The following LARP4 variants were observed in gnomAD, a reference collection of about 807,000 sequenced individuals.
LARP4 encodes the protein La ribonucleoprotein 4.
A neutral mutation model predicts 92.9 loss-of-function variants in LARP4; 29 were observed. The observed-to-expected ratio is 0.31, with a 90% CI of 0.23 to 0.43. The LOEUF is 0.43. Ranked by LOEUF, LARP4 falls within the 20% of genes least tolerant of loss-of-function variation. The pLI is 1.00. For synonymous variants in LARP4, 279 were observed against 284.1 expected (o/e 0.98, Z 0.18); for missense variants, 732 against 860.0 (o/e 0.85, Z 1.86).
Position 50,454,400 on chromosome 12 carries a change from A to G in LARP4, c.1104A>G (p.Arg368=). The G allele has an allele frequency of 1.2e-6, 2 of 1,612,058 alleles. No individual in the cohort carries two copies. The highest frequency in any genetic ancestry group is 1.7e-6 in the Non-Finnish European group (2 of 1,179,194). Residue 368 remains arginine (R), a synonymous_variant, in exon 10 of 16, where the codon CGA becomes CGG. Transcript: ENST00000398473. ...ATGCTGCTGCTATGAATATGGGTCG[A>G]CCATTCCAAAAAAATCGGTAAGATA... is the stretch of plus-strand genomic sequence containing the variant. The part of the protein sequence containing the change: ...KTNAAAMNMG[R]PFQKNRVKPQ...
At chr12:50,467,520 C>G (rs2063067692) in intron 13 of LARP4, among the ~76,000 whole-genome samples, 1 of 152,078 alleles carries the variant, frequency 6.6e-6, no homozygotes, top group South Asian at 2.1e-4. Flanking sequence ...CCAGGCTGGT[C>G]TCCAGCTCCT....
intron 5 of LARP4, among the ~76,000 whole-genome samples, chr12:50,436,174 GTATATATA>G (rs10599634): frequency 2.2e-5 from 3 of 136,608 alleles, no homozygotes; most frequent in Non-Finnish European, 3.1e-5. Flanking sequence ...GTGTGTGTAT[GTATATATA>G]TATATATATA....
At chr12:50,435,322 A>T (rs1459727054) in intron 4 of LARP4, among the ~76,000 whole-genome samples, 166 bp from the exon 5 acceptor site, 1 of 152,250 alleles carries the variant, frequency 6.6e-6, no homozygotes, top group African/African-American at 2.4e-5. Context: ...TATCTTTTGA[A>T]TTGAACTTTT....
intron 4 of LARP4, among the ~76,000 whole-genome samples, chr12:50,431,609 G>C (rs1301794080): frequency 1.3e-5 from 2 of 152,170 alleles, no homozygotes; most frequent in Non-Finnish European, 2.9e-5. Flanking sequence ...CACTTTGGGA[G>C]GGCAAGGTGG....
intron 1 of LARP4, among the ~76,000 whole-genome samples, chr12:50,421,548 A>G (rs1947793672): frequency 6.6e-6 from 1 of 151,956 alleles, no homozygotes; most frequent in African/African-American, 2.4e-5. Context: ...AGGCTGAGGC[A>G]GGAGGAGAAT....
At position 50,410,351 on chromosome 12, in the gene LARP4, G is replaced by A. The variant is rs188701976; in HGVS notation, c.18+9323G>A. Reference sequence around the variant, plus strand: ...GCCTCCCAAAGTGCTGCGATTACAGGTGTGAGGAGCCACAACACCCAGTCT... The same window carrying A: ...GCCTCCCAAAGTGCTGCGATTACAGATGTGAGGAGCCACAACACCCAGTCT... On this transcript the variant is annotated intron_variant, in intron 1 of 15. Coordinates refer to ENST00000398473, the MANE Select transcript of LARP4 (RefSeq NM_052879.5). Among the ~76,000 whole-genome samples the A allele has an allele frequency of 3.6e-3, 550 of 151,642 alleles. 4 individuals carry two copies. The highest frequency in any genetic ancestry group is 6.0e-3 in the Non-Finnish European group (410 of 67,954).
intron 1 of LARP4, chr12:50,420,947 C>CTTTTTTTTTTTTTTTTTTT (rs71083567): frequency 3.6e-5 from 4 of 111,436 alleles, no homozygotes; most frequent in African/African-American, 1.4e-4. Context: ...ATAACCTTTG[C>CTTTTTTTTTTTTTTTTTTT]TTTTTTTTTT....
chr12:50,432,005 G>A (rs554218363), intron 4 of LARP4, among the ~76,000 whole-genome samples: 1 of 152,246 alleles, frequency 6.6e-6, no homozygotes, highest in South Asian at 2.1e-4. Flanking sequence ...GGGTGTGGTA[G>A]CGTGGCCCTG....
At chr12:50,463,648 C>T (rs1232654273) in intron 12 of LARP4, among the ~76,000 whole-genome samples, 2 of 152,086 alleles carry the variant, frequency 1.3e-5, no homozygotes, top group African/African-American at 2.4e-5. Flanking sequence ...TACACTGATG[C>T]AAGGGTTGGG....
chr12:50,475,523 A>G lies in LARP4; in HGVS notation c.1837-3A>G. On this transcript the variant is annotated splice_polypyrimidine_tract_variant and splice_region_variant and intron_variant, in intron 15 of 15. Transcript: ENST00000398473. ...AATGTTTTTTTTTATCATCACTTCA[A>G]AGGAACCCCGAAAGTTAAGTTATGC... is the stretch of plus-strand genomic sequence containing the variant. The G allele has an allele frequency of 6.3e-7, 1 of 1,595,552 alleles. No homozygotes were observed. Among genetic ancestry groups the G allele is most frequent in the Non-Finnish European group, 8.5e-7 (1 of 1,172,538 alleles).
At chr12:50,446,356 T>C (rs867329424) in intron 8 of LARP4, among the ~76,000 whole-genome samples, 1 of 394 alleles carries the variant, frequency 2.5e-3, no homozygotes, top group Non-Finnish European at 5.2e-3. Context: ...TCTCTCTCTC[T>C]CTCTCTCTCT....
intron 1 of LARP4, among the ~76,000 whole-genome samples, chr12:50,409,130 A>C (rs1001082431): frequency 6.6e-6 from 1 of 152,170 alleles, no homozygotes; most frequent in African/African-American, 2.4e-5. Flanking sequence ...AGTAAAATTA[A>C]GATACATTTA....
At chr12:50,461,512 T>C (rs1209083207) in intron 11 of LARP4, 165 bp downstream of exon 11, 1 of 731,542 alleles carries the variant, frequency 1.4e-6, no homozygotes, top group East Asian at 2.9e-5. Flanking sequence ...TTTTTATAAT[T>C]ATTAAGAAAT....
At chr12:50,460,354 G>T (rs1271546067) in intron 10 of LARP4, among the ~76,000 whole-genome samples, 1 of 152,034 alleles carries the variant, frequency 6.6e-6, no homozygotes, top group Non-Finnish European at 1.5e-5. Context: ...TTAGAGATAG[G>T]GTTTTCTCTG....
chr12:50,468,841 C>T (rs1318885297), intron 13 of LARP4, among the ~76,000 whole-genome samples: 1 of 151,884 alleles, frequency 6.6e-6, no homozygotes, highest in African/African-American at 2.4e-5. Context: ...CTTTGTAAGC[C>T]ACATTTCAGT....
chr12:50,409,808 A>ATT (rs555627639), intron 1 of LARP4, among the ~76,000 whole-genome samples: 4 of 149,876 alleles, frequency 2.7e-5, no homozygotes, highest in Non-Finnish European at 5.9e-5. Flanking sequence ...TATTATTATT[A>ATT]TTTTTTTAAG....
intron 1 of LARP4, among the ~76,000 whole-genome samples, chr12:50,403,810 G>C (rs1448386297): frequency 1.3e-5 from 2 of 152,172 alleles, no homozygotes; most frequent in Non-Finnish European, 2.9e-5. Flanking sequence ...AATAACAACA[G>C]TAGTAGTATA....
At chr12:50,424,705 C>T (rs1948452436) in intron 1 of LARP4, among the ~76,000 whole-genome samples, 1 of 151,984 alleles carries the variant, frequency 6.6e-6, no homozygotes, top group African/African-American at 2.4e-5. Flanking sequence ...ATGTTTTACC[C>T]CAATTTACAG....
chr12:50,468,373 G>A (rs1188307236), intron 13 of LARP4, among the ~76,000 whole-genome samples: 2 of 150,760 alleles, frequency 1.3e-5, no homozygotes, highest in East Asian at 1.9e-4. Context: ...TGCTCACTGC[G>A]AGCTCTGCCT....
Sources: gnomAD v4.1 joint callset for allele counts (sites outside exome capture counted in the v4.1 genomes callset) on GRCh38, gnomAD v4.1.1 for gene constraint, MANE v1.5 for transcripts, NCBI Gene and HGNC (gene_info 2026-07-23, HGNC 2026-07-21) for gene names.